Variants in CCBE1 observed in about 807,000 individuals in gnomAD.
CCBE1 encodes collagen and calcium binding EGF domains 1.
CCBE1 carries 37 observed loss-of-function variants against 50.0 expected under a neutral mutation model. The ratio of observed to expected loss-of-function variants is 0.74; its 90% CI spans 0.57 to 0.97. The LOEUF is 0.97. Among genes scored for constraint, CCBE1 ranks in the 50% least tolerant of loss-of-function variants. The probability of loss-of-function intolerance (pLI) is 0.00; values close to 1 mark genes in which losing one functional copy is unlikely to be tolerated. For missense variants in CCBE1, 538 were observed against 523.8 expected, an observed-to-expected ratio of 1.03 and a Z score of -0.26; for synonymous variants, 234 against 203.7, an observed-to-expected ratio of 1.15 and a Z score of -1.27.
At chr18:59,507,652 C>T (rs1913937687) in intron 2 of CCBE1, among the ~76,000 whole-genome samples, 1 of 152,170 alleles carries the variant, frequency 6.6e-6, no homozygotes, top group East Asian at 1.9e-4. Flanking sequence ...TATGCCTGTC[C>T]CTTTGTCACA....
At chr18:59,524,913 A>T (rs1057411008) in intron 2 of CCBE1, among the ~76,000 whole-genome samples, 1 of 152,188 alleles carries the variant, frequency 6.6e-6, no homozygotes, top group Admixed American at 6.5e-5. Flanking sequence ...ATGTCCCTGC[A>T]AACTACATGA....
At chr18:59,475,892 T>C (rs886115579) in intron 3 of CCBE1, among the ~76,000 whole-genome samples, 1 of 152,170 alleles carries the variant, frequency 6.6e-6, no homozygotes, top group African/African-American at 2.4e-5. Context: ...CTAATTTTTG[T>C]ATTTTTAGTA....
chr18:59,481,783 C>A (rs1280602462), intron 2 of CCBE1, among the ~76,000 whole-genome samples: 1 of 152,136 alleles, frequency 6.6e-6, no homozygotes, highest in African/African-American at 2.4e-5. Flanking sequence ...AAATTCATTA[C>A]CAGCAGACCT....
chr18:59,543,846 A>ACAAG (rs1555690341), intron 2 of CCBE1, among the ~76,000 whole-genome samples: 2 of 140,642 alleles, frequency 1.4e-5, no homozygotes, highest in Non-Finnish European at 3.0e-5. Context: ...AAAAAAAAAA[A>ACAAG]AAAAAAAAAA....
intron 4 of CCBE1, among the ~76,000 whole-genome samples, chr18:59,468,061 G>A (rs1389234044): frequency 6.6e-6 from 1 of 152,196 alleles, no homozygotes; most frequent in Non-Finnish European, 1.5e-5. Flanking sequence ...CTTAGTAGAA[G>A]CCAAGTTCTG....
At chr18:59,553,792 C>T (rs1916014049) in intron 2 of CCBE1, among the ~76,000 whole-genome samples, 3 of 152,240 alleles carry the variant, frequency 2.0e-5, no homozygotes. Flanking sequence ...TCCAACACTG[C>T]AGCCTCTGCC....
At chr18:59,663,364 A>G (rs56380533) in intron 2 of CCBE1, among the ~76,000 whole-genome samples, 52,341 of 152,000 alleles carry the variant, frequency 0.34, 9,446 homozygotes, top group African/African-American at 0.4. Flanking sequence ...AAGAGAGAAC[A>G]TCAAGTCAAC....
chr18:59,624,179 C>T (rs2053747519), intron 2 of CCBE1, among the ~76,000 whole-genome samples: 1 of 152,204 alleles, frequency 6.6e-6, no homozygotes, highest in Non-Finnish European at 1.5e-5. Context: ...CTAGCTGCCT[C>T]GTTCTTTGCT....
intron 5 of CCBE1, among the ~76,000 whole-genome samples, chr18:59,462,266 G>T (rs1911520662): frequency 6.6e-6 from 1 of 152,116 alleles, no homozygotes; most frequent in African/African-American, 2.4e-5. Flanking sequence ...CAACATCCTT[G>T]CCTGAACGTT....
intron 2 of CCBE1, among the ~76,000 whole-genome samples, chr18:59,494,080 A>G (rs1913235434): frequency 6.6e-6 from 1 of 152,192 alleles, no homozygotes; most frequent in African/African-American, 2.4e-5. Context: ...GCAGCATGAA[A>G]ATGGACTAAC....
intron 2 of CCBE1, among the ~76,000 whole-genome samples, chr18:59,514,208 A>T (rs750928412): frequency 1.3e-5 from 2 of 152,186 alleles, no homozygotes; most frequent in African/African-American, 4.8e-5. Context: ...CGGATCCCAT[A>T]TTACCGATAC....
chr18:59,559,528 G>A (rs145992096), intron 2 of CCBE1, among the ~76,000 whole-genome samples: 8 of 152,320 alleles, frequency 5.3e-5, no homozygotes, highest in African/African-American at 1.7e-4. Context: ...ACATTGCTGC[G>A]CAACCCAGTC....
chr18:59,475,222 T>C (rs948467720), intron 3 of CCBE1, among the ~76,000 whole-genome samples: 1 of 152,228 alleles, frequency 6.6e-6, no homozygotes, highest in Non-Finnish European at 1.5e-5. Context: ...GTAAACAAGA[T>C]CTTCATCCCA....
chr18:59,567,110 T>A (rs2052842378), intron 2 of CCBE1, among the ~76,000 whole-genome samples: 1 of 152,130 alleles, frequency 6.6e-6, no homozygotes, highest in Non-Finnish European at 1.5e-5. Context: ...TTTAAACGCA[T>A]TTTTTCTTTT....
At chr18:59,584,365 G>T (rs1055740675) in intron 2 of CCBE1, among the ~76,000 whole-genome samples, 1 of 123,352 alleles carries the variant, frequency 8.1e-6, no homozygotes, top group South Asian at 3.4e-4. Flanking sequence ...TCGGGGGAGG[G>T]GGGAGGGATA....
chr18:59,510,557 G>T (rs1914087686), intron 2 of CCBE1, among the ~76,000 whole-genome samples: 1 of 152,104 alleles, frequency 6.6e-6, no homozygotes, highest in Non-Finnish European at 1.5e-5. Context: ...AAGTAGCTGG[G>T]ATTATAGGTG....
At chr18:59,557,996 G>GCC (rs1164716631) in intron 2 of CCBE1, among the ~76,000 whole-genome samples, 1 of 152,002 alleles carries the variant, frequency 6.6e-6, no homozygotes, top group African/African-American at 2.4e-5. Flanking sequence ...ACATAACATG[G>GCC]TAAGTGTGGG....
At chr18:59,658,419 A>G (rs1303450090) in intron 2 of CCBE1, among the ~76,000 whole-genome samples, 1 of 83,044 alleles carries the variant, frequency 1.2e-5, no homozygotes, top group Non-Finnish European at 2.2e-5. Context: ...ATATATATAA[A>G]GTTAGCTACA....
rs565757924 is a variant in CCBE1 at position 59,530,928 on chromosome 18, TG to T, written c.213-50691del. Reference sequence around the variant, plus strand: ...ATACTATTTCTTAAATTATTTATGATGTTTTTTCAAATATAATATTTAATAG... The same window carrying T: ...ATACTATTTCTTAAATTATTTATGATTTTTTTCAAATATAATATTTAATAG... On this transcript the variant is annotated intron_variant, in intron 2 of 10. Transcript: ENST00000439986. Among the ~76,000 whole-genome samples, 531 of 152,360 alleles carry T rather than the reference TG, an allele frequency of 3.5e-3. 2 individuals carry two copies. The highest frequency in any genetic ancestry group is 0.012 in the African/African-American group (510 of 41,582).
Sources: gnomAD v4.1 joint callset for allele counts (sites outside exome capture counted in the v4.1 genomes callset) on GRCh38, gnomAD v4.1.1 for gene constraint, MANE v1.5 for transcripts, NCBI Gene and HGNC (gene_info 2026-07-23, HGNC 2026-07-21) for gene names.